The following KCND1 variants were observed in gnomAD, a reference collection of about 807,000 sequenced individuals.
KCND1 encodes the protein A-type voltage-gated potassium channel KCND1.
In KCND1, 11 loss-of-function variants were observed where a neutral mutation model predicts 31.8. That is an observed-to-expected ratio of 0.35 (90% CI 0.22 to 0.57). The LOEUF (loss-of-function observed/expected upper bound fraction) is 0.57. KCND1 is among the 20% of genes least tolerant of loss of function. The pLI is 0.85. For missense variants in KCND1, 471 were observed against 596.8 expected, an observed-to-expected ratio of 0.79 and a Z score of 2.20; for synonymous variants, 234 against 248.1, an observed-to-expected ratio of 0.94 and a Z score of 0.53.
chrX:48,969,599 C>T lies in KCND1; in HGVS notation c.673G>A (p.Glu225Lys), dbSNP rs2064372881. Residue 225 changes from glutamate to lysine, a missense_variant, in exon 1 of 6, where the codon GAA (glutamate) becomes AAA (lysine). Glu to Lys is a moderately conservative substitution (Grantham distance 56). Coordinates refer to ENST00000218176, the MANE Select transcript of KCND1 (RefSeq NM_004979.6). ...RRSSREQPCGERFPQAFFCMD... is the reference protein window; with the variant it reads ...RRSSREQPCGKRFPQAFFCMD... Reference sequence around the variant, plus strand: ...CAGAAAAAGGCCTGTGGGAAGCGTTCGCCACAGGGCTGCTCCCTTGAGGAC... The same window carrying T: ...CAGAAAAAGGCCTGTGGGAAGCGTTTGCCACAGGGCTGCTCCCTTGAGGAC... The T allele has an allele frequency of 8.3e-7, 1 of 1,210,129 alleles. No individual in the cohort carries two copies. The highest frequency in any genetic ancestry group is 1.1e-6 in the Non-Finnish European group (1 of 894,539).
At chrX:48,964,534 A>G (rs1441330105) in intron 5 of KCND1, among the ~76,000 whole-genome samples, 1 of 108,304 alleles carries the variant, frequency 9.2e-6, no homozygotes, top group African/African-American at 3.4e-5. Context: ...ATAAATAAAT[A>G]AAAATAAACA....
chrX:48,969,373 A>G lies in KCND1; in HGVS notation c.899T>C (p.Phe300Ser). The G allele has an allele frequency of 8.3e-7, 1 of 1,209,689 alleles. No individual in the cohort carries two copies. The highest frequency in any genetic ancestry group is 1.7e-5 in the African/African-American group (1 of 57,722). ...AFVTLRVFRV[F>S]RIFKFSRHSQ... Reference sequence around the variant, plus strand: ...GTGCCTGGAGAACTTGAAGATGCGAAACACCCGGAACACACGCAGGGTGAC... The same window carrying G: ...GTGCCTGGAGAACTTGAAGATGCGAGACACCCGGAACACACGCAGGGTGAC... Residue 300 changes from phenylalanine (F) to serine (S), a missense_variant, in exon 1 of 6, where the codon TTT becomes TCT. Phe to Ser is a radical substitution (Grantham distance 155). Around this residue, in one of 3 missense-constraint regions of KCND1, gnomAD observed 74 missense variants for 154.2 expected, o/e 0.48. Transcript: ENST00000218176.
Position 48,961,684 on chromosome X carries a change from A to G in KCND1, c.*897T>C, listed in dbSNP as rs1459042680. ...AACATGGAATCAGCCCATGATCTCC[A>G]AATACAGCCCAGCTCTTGCTGGTTG... On this transcript the variant is annotated 3_prime_UTR_variant, in exon 6 of 6. Transcript: ENST00000218176. The G allele has an allele frequency of 8.9e-6, 1 of 112,032 alleles. No homozygotes were observed. Among genetic ancestry groups the G allele is most frequent in the African/African-American group, 3.3e-5 (1 of 30,708 alleles). The allele number at this position is 112,032 out of a possible 1,213,427, so 9.2% of individuals were successfully genotyped here.
Position 48,962,136 on chromosome X carries a change from A to G in KCND1, c.*445T>C, listed in dbSNP as rs1269071645. The G allele has an allele frequency of 8.1e-6, 1 of 123,038 alleles. No homozygotes were observed. The highest frequency in any genetic ancestry group is 3.2e-5 in the African/African-American group (1 of 31,471). 10.1% of individuals were successfully genotyped at this position (123,038 alleles called of 1,213,427 possible). ...GAGGACCTCTCGTAGAGGCCAGATC[A>G]GAGGTGAGGGTTCTCTTCTCTGAAC... On this transcript the variant is annotated 3_prime_UTR_variant, in exon 6 of 6. Coordinates refer to ENST00000218176, the MANE Select transcript of KCND1 (RefSeq NM_004979.6).
rs781881323 is a variant in KCND1, at chrX:48,969,744, G to A, written c.528C>T (p.Phe176=). 14 of 1,207,485 alleles carry A rather than the reference G, an allele frequency of 1.2e-5. No individual in the cohort carries two copies. Among genetic ancestry groups the A allele is most frequent in the Admixed American group, 6.6e-5 (3 of 45,684 alleles). ...SSLRQRLWRA[F]ENPHTSTAAL... is the part of the protein sequence containing the mutation. ...CTGCGGTGCTCGTGTGTGGATTCTCGAAGGCCCGCCAGAGCCGCTGCCGCA... is the reference window on the plus strand; with the variant it reads ...CTGCGGTGCTCGTGTGTGGATTCTCAAAGGCCCGCCAGAGCCGCTGCCGCA... The change falls in exon 1 of 6, where the codon TTC becomes TTT. Residue 176 remains phenylalanine, a synonymous_variant. Transcript: ENST00000218176.
In KCND1 at chrX:48,970,452, G is replaced by A. The variant is rs2064381897; in HGVS notation, c.-181C>T. 1 of 437,186 alleles carries A rather than the reference G, an allele frequency of 2.3e-6. No individual in the cohort carries two copies. Among genetic ancestry groups the A allele is most frequent in the Non-Finnish European group, 3.9e-6 (1 of 257,323 alleles). 36.0% of individuals were successfully genotyped at this position (437,186 alleles called of 1,213,427 possible). Reference sequence around the variant, plus strand: ...TAAAGAGATGGGAAGGAGTCTGGGGGACATTTACAGAACCTAGGAGGGGCC... The same window carrying A: ...TAAAGAGATGGGAAGGAGTCTGGGGAACATTTACAGAACCTAGGAGGGGCC... On this transcript the variant is annotated 5_prime_UTR_variant, in exon 1 of 6. Transcript: ENST00000218176.
chrX:48,966,846 T>G lies in KCND1; in HGVS notation c.1285-2A>C. 1 of 1,204,142 alleles carries G rather than the reference T, an allele frequency of 8.3e-7. No individual in the cohort carries two copies. Among genetic ancestry groups the G allele is most frequent in the Non-Finnish European group, 1.1e-6 (1 of 891,070 alleles). On this transcript the variant is annotated splice_acceptor_variant, in intron 2 of 5. Coordinates refer to ENST00000218176, the MANE Select transcript of KCND1 (RefSeq NM_004979.6). LOFTEE classifies it high-confidence loss of function. ...TCGGATCCTTGCCAAGCGCACCTTC[T>G]GCAGAGAGAGGAGATAAAAGGTCAG...
At chrX:48,968,327 C>A (rs1484553825) in intron 1 of KCND1, 1 of 110,721 alleles carries the variant, frequency 9.0e-6, no homozygotes, top group Non-Finnish European at 1.9e-5. Flanking sequence ...CTGCAGGGAT[C>A]GACAAAAAAA....
rs1199407545 is a variant in KCND1 at position 48,966,288 on chromosome X, A to G, written c.1485T>C (p.Asp495=). 18 of 1,184,173 alleles carry G rather than the reference A, an allele frequency of 1.5e-5. No homozygotes were observed. Among genetic ancestry groups the G allele is most frequent in the Non-Finnish European group, 1.9e-5 (17 of 882,769 alleles). ...CCAGGGCTTCACTGAAGGTGAGCTC[A>G]TCTGTGAACTCATGGCACTATGGGC... ...LEKTTCHEFT[D]ELTFSEALGA... is the part of the protein sequence containing the mutation. The change falls in exon 5 of 6, where the codon GAT becomes GAC. Residue 495 remains aspartate, a synonymous_variant. Coordinates refer to ENST00000218176, the MANE Select transcript of KCND1 (RefSeq NM_004979.6).
chrX:48,962,470 G>A lies in KCND1; in HGVS notation c.*111C>T, dbSNP rs782455560. The A allele has an allele frequency of 3.3e-5, 17 of 508,472 alleles. No homozygotes were observed. Among genetic ancestry groups the A allele is most frequent in the South Asian group, 1.9e-4 (6 of 32,067 alleles). The allele number at this position is 508,472 out of a possible 1,213,427, so 41.9% of individuals were successfully genotyped here. On this transcript the variant is annotated 3_prime_UTR_variant, in exon 6 of 6. Transcript: ENST00000218176. ...AAACTCCATTGCATAGTTCTCAGTG[G>A]GGGGGGCAGAAGGGGTGCCCAAGCC...
Position 48,969,425 on chromosome X carries a change from T to C in KCND1, c.847A>G (p.Lys283Glu). 1.7e-6 allele frequency: 2 copies of C among 1,211,200 alleles called. No individual in the cohort carries two copies. The highest frequency in any genetic ancestry group is 2.2e-6 in the Non-Finnish European group (2 of 895,148). Residue 283 changes from lysine (K) to glutamate (E), a missense_variant, in exon 1 of 6, where the codon AAG (lysine) becomes GAG (glutamate). Physicochemically the swap from Lys to Glu is moderately conservative, Grantham distance 56. Around this residue, in one of 3 missense-constraint regions of KCND1, gnomAD observed 74 missense variants for 154.2 expected, o/e 0.48. Coordinates refer to ENST00000218176, the MANE Select transcript of KCND1 (RefSeq NM_004979.6). ...LPYYIGLLVP[K>E]NDDVSGAFVT... ...AAGGCGCCAGAGACATCGTCGTTCT[T>C]GGGCACCAAAAGCCCAATGTAGTAG... is the stretch of plus-strand genomic sequence containing the variant.
At position 48,962,273 on chromosome X, in the gene KCND1, A is replaced by G; in HGVS notation, c.*308T>C. Reference sequence around the variant, plus strand: ...TGCCTTCATCTGAGAGCCCAAGGGGAGGAGCATGCAGGAGTCCAGCTGGGA... The same window carrying G: ...TGCCTTCATCTGAGAGCCCAAGGGGGGGAGCATGCAGGAGTCCAGCTGGGA... On this transcript the variant is annotated 3_prime_UTR_variant, in exon 6 of 6. Transcript: ENST00000218176. 3.9e-6 allele frequency: 1 copy of G among 259,080 alleles called. No individual in the cohort carries two copies. The highest frequency in any genetic ancestry group is 6.4e-5 in the East Asian group (1 of 15,691). The allele number at this position is 259,080 out of a possible 1,213,427, so 21.4% of individuals were successfully genotyped here.
chrX:48,966,635 G>A lies in KCND1; in HGVS notation c.1410C>T (p.Asn470=). ...SGEEQALCVR[N]RSAFEQQHHH... ...GATGTTGCTGTTCAAAGGCAGAACG[G>A]TTCCTGACACAAAGAGCCTGTTCCT... Residue 470 remains asparagine (N), a synonymous_variant, in exon 4 of 6, where the codon AAC becomes AAT. Coordinates refer to ENST00000218176, the MANE Select transcript of KCND1 (RefSeq NM_004979.6). 1 of 1,210,303 alleles carries A rather than the reference G, an allele frequency of 8.3e-7. No individual in the cohort carries two copies. Among genetic ancestry groups the A allele is most frequent in the South Asian group, 1.8e-5 (1 of 56,682 alleles).
At chrX:48,964,612 G>A (rs1411733846) in intron 5 of KCND1, among the ~76,000 whole-genome samples, 1 of 109,241 alleles carries the variant, frequency 9.2e-6, no homozygotes, top group Non-Finnish European at 1.9e-5. Flanking sequence ...AGCCACTTAG[G>A]AGGCTGAGGC....
rs182498022 is a variant in KCND1, at chrX:48,966,903, G to A, written c.1284+41C>T. 7,941 of 1,202,595 alleles carry A rather than the reference G, an allele frequency of 6.6e-3. 26 individuals carry two copies. The highest frequency in any genetic ancestry group is 6.9e-3 in the Non-Finnish European group (6,184 of 890,336). On this transcript the variant is annotated intron_variant, in intron 2 of 5. Coordinates refer to ENST00000218176, the MANE Select transcript of KCND1 (RefSeq NM_004979.6). ...AAGCCCCAAAGTAGACTGGCTTGGGGTGTGGGGAGTAGGAGGTGCTCGGAT... is the reference window on the plus strand; with the variant it reads ...AAGCCCCAAAGTAGACTGGCTTGGGATGTGGGGAGTAGGAGGTGCTCGGAT...
chrX:48,965,833 G>A (rs1019178568), intron 5 of KCND1, among the ~76,000 whole-genome samples: 2 of 106,851 alleles, frequency 1.9e-5, no homozygotes, highest in South Asian at 4.2e-4. Flanking sequence ...CTGAGATCCC[G>A]CCATTGCACT....
intron 5 of KCND1, among the ~76,000 whole-genome samples, chrX:48,963,657 G>A (rs1379047813): frequency 9.9e-5 from 11 of 110,923 alleles, no homozygotes; most frequent in African/African-American, 3.0e-4. Context: ...CTCATCTGTA[G>A]CATGGGACGA....
chrX:48,963,847 C>A (rs1409528644), intron 5 of KCND1, among the ~76,000 whole-genome samples: 2 of 111,943 alleles, frequency 1.8e-5, no homozygotes, highest in African/African-American at 6.5e-5. Context: ...TAAGGTGGGA[C>A]CCTCGCTCCT....
chrX:48,967,691 T>C (rs782806337), intron 1 of KCND1: 1 of 111,428 alleles, frequency 9.0e-6, no homozygotes, highest in Non-Finnish European at 1.9e-5. Context: ...GGAGATTCTG[T>C]AACTGACTCG....
Sources: allele counts gnomAD v4.1 joint callset (sites outside exome capture counted in the v4.1 genomes callset), GRCh38; gene constraint gnomAD v4.1.1; regional missense constraint gnomAD v4.1.1; transcripts MANE v1.5; gene names NCBI Gene and HGNC (gene_info 2026-07-23, HGNC 2026-07-21).